The following GPHN variants were observed in gnomAD, a reference collection of about 807,000 sequenced individuals.
GPHN encodes gephyrin.
In GPHN, 17 loss-of-function variants were observed where a neutral mutation model predicts 95.5. The observed-to-expected ratio is 0.18, with a 90% CI of 0.12 to 0.27. The LOEUF (loss-of-function observed/expected upper bound fraction) is 0.27, where lower values mean the gene tolerates loss of function less well. GPHN is among the 10% of genes least tolerant of loss of function. The pLI is 1.00. For synonymous variants in GPHN, 320 were observed against 322.5 expected (o/e 0.99, Z 0.08); for missense variants, 660 against 978.1 (o/e 0.67, Z 4.34).
the GPHN span, among the ~76,000 whole-genome samples, chr14:67,555,040 G>A: frequency 2.0e-5 from 3 of 152,122 alleles, no homozygotes; most frequent in African/African-American, 7.2e-5. Context: ...AGCCTCCTGA[G>A]TAGCTGGGAC....
the GPHN span, chr14:67,615,718 A>G: frequency 2.0e-6 from 1 of 497,230 alleles, no homozygotes; most frequent in Non-Finnish European, 3.9e-6. Context: ...GAAAACATAT[A>G]TCCCTCCTAA....
At chr14:67,242,452 A>G in the GPHN span, among the ~76,000 whole-genome samples, 522 of 152,336 alleles carry the variant, frequency 3.4e-3, 2 homozygotes, top group African/African-American at 0.012. Context: ...GATTTTTTAA[A>G]AAAGCAATAT....
At chr14:67,311,559 TA>T in the GPHN span, among the ~76,000 whole-genome samples, 127 of 152,252 alleles carry the variant, frequency 8.3e-4, 2 homozygotes, top group East Asian at 0.024. Flanking sequence ...CCAGGTTAGG[TA>T]AAAATTAGAC....
At chr14:67,020,035 C>T (rs2073523577) in intron 9 of GPHN, among the ~76,000 whole-genome samples, 1 of 152,130 alleles carries the variant, frequency 6.6e-6, no homozygotes, top group Non-Finnish European at 1.5e-5. Flanking sequence ...ATACATTATG[C>T]ATGCATCTTT....
At chr14:66,560,011 G>T (rs973198222) in intron 1 of GPHN, among the ~76,000 whole-genome samples, 56 of 152,250 alleles carry the variant, frequency 3.7e-4, no homozygotes, top group Non-Finnish European at 5.4e-4. Context: ...TTTCCCCATT[G>T]CTTGTTTTTG....
chr14:67,033,359 T>C (rs2074277741), intron 10 of GPHN, among the ~76,000 whole-genome samples: 1 of 151,964 alleles, frequency 6.6e-6, no homozygotes, highest in Non-Finnish European at 1.5e-5. Flanking sequence ...AGTCCAGGGA[T>C]TCGAGACTAG....
intron 19 of GPHN, among the ~76,000 whole-genome samples, chr14:67,164,555 C>CTGTG: frequency 1.3e-5 from 2 of 151,650 alleles, no homozygotes; most frequent in African/African-American, 4.8e-5. Context: ...GTGCAGTGGC[C>CTGTG]ATCTCAGCTC....
chr14:67,295,560 C>A, the GPHN span, among the ~76,000 whole-genome samples: 1 of 150,868 alleles, frequency 6.6e-6, no homozygotes, highest in Non-Finnish European at 1.5e-5. Context: ...TGACAACAGT[C>A]ACTTCACAAA....
chr14:66,605,092 A>G (rs571034851), intron 1 of GPHN, among the ~76,000 whole-genome samples: 49 of 151,748 alleles, frequency 3.2e-4, no homozygotes, highest in African/African-American at 1.2e-3. Flanking sequence ...TGCTTTATCG[A>G]CTCTACCATC....
At chr14:66,922,510 A>G (rs1328625392) in intron 6 of GPHN, among the ~76,000 whole-genome samples, 156 bp from the exon 7 acceptor site, 1 of 152,214 alleles carries the variant, frequency 6.6e-6, no homozygotes, top group Non-Finnish European at 1.5e-5. Flanking sequence ...TGCTTACTTC[A>G]TGGCATATTG....
the GPHN span, chr14:67,656,278 G>T: frequency 5.3e-5 from 40 of 753,892 alleles, no homozygotes; most frequent in Non-Finnish European, 7.2e-5. Context: ...AATAAAAATT[G>T]AGAAAAGCAT....
the GPHN span, among the ~76,000 whole-genome samples, chr14:67,358,626 G>A: frequency 6.6e-6 from 1 of 152,176 alleles, no homozygotes; most frequent in African/African-American, 2.4e-5. Context: ...CTTGAGCCCA[G>A]GGGTTTGAGG....
chr14:66,845,891 CTG>C (rs1256316664), intron 4 of GPHN, among the ~76,000 whole-genome samples: 5 of 140,564 alleles, frequency 3.6e-5, no homozygotes, highest in South Asian at 2.3e-4. Flanking sequence ...GAACGTGTGT[CTG>C]TGTGTGTGTT....
chr14:67,672,736 C>A, the GPHN span, among the ~76,000 whole-genome samples: 10 of 152,184 alleles, frequency 6.6e-5, no homozygotes, highest in Admixed American at 5.2e-4. Context: ...AGCCACCGTA[C>A]CCTGCCTGCA....
At chr14:67,150,297 C>T (rs1325413060) in intron 18 of GPHN, among the ~76,000 whole-genome samples, 1 of 150,726 alleles carries the variant, frequency 6.6e-6, no homozygotes, top group African/African-American at 2.4e-5. Flanking sequence ...AAAAAATAGC[C>T]GGGCGTAGTG....
chr14:67,271,547 G>A, the GPHN span: 1 of 152,230 alleles, frequency 6.6e-6, no homozygotes, highest in African/African-American at 2.4e-5. Flanking sequence ...TAGGATTCCA[G>A]AGGACAGTGT....
At chr14:67,598,232 T>C in the GPHN span, among the ~76,000 whole-genome samples, 27,323 of 152,108 alleles carry the variant, frequency 0.18, 2,550 homozygotes, top group East Asian at 0.25. Flanking sequence ...TTAGAAAGTG[T>C]TGCAGTAGAG....
At chr14:67,369,145 C>G in the GPHN span, among the ~76,000 whole-genome samples, 1 of 152,116 alleles carries the variant, frequency 6.6e-6, no homozygotes, top group East Asian at 1.9e-4. Context: ...ATCCTGTCTA[C>G]AAGAGATATA....
At chr14:67,096,647 G>C (rs914770009) in intron 12 of GPHN, among the ~76,000 whole-genome samples, 1 of 140,628 alleles carries the variant, frequency 7.1e-6, no homozygotes, top group East Asian at 2.1e-4. Context: ...ACAGGATCTC[G>C]CTATGTTGCT....
Sources: allele counts gnomAD v4.1 joint callset (sites outside exome capture counted in the v4.1 genomes callset), GRCh38; gene constraint gnomAD v4.1.1; transcripts MANE v1.5; gene names NCBI Gene and HGNC (gene_info 2026-07-23, HGNC 2026-07-21).